The following IMPA2 variants were observed in gnomAD, a reference collection of about 807,000 sequenced individuals.
IMPA2 encodes the protein IMP 2.
In IMPA2, 32 loss-of-function variants were observed where a neutral mutation model predicts 35.1. The observed-to-expected ratio is 0.91, with a 90% CI of 0.69 to 1.23. The LOEUF is 1.23. Among genes scored for constraint, IMPA2 ranks in the 50% most tolerant of loss-of-function variants. IMPA2 has a pLI of 0.00. For missense variants in IMPA2, 334 were observed against 387.6 expected (o/e 0.86, Z 1.16); for synonymous variants, 135 against 160.6 (o/e 0.84, Z 1.20).
chr18:11,986,788 G>A (rs1343731988), intron 1 of IMPA2, among the ~76,000 whole-genome samples: 1 of 152,194 alleles, frequency 6.6e-6, no homozygotes, highest in East Asian at 1.9e-4. Context: ...TGCTTCTGTC[G>A]TGCTTTCTTG....
rs941034223 is a variant in IMPA2, at chr18:11,989,168, G to T, written c.96+7403G>T. On this transcript the variant is annotated intron_variant, in intron 1 of 7. Transcript: ENST00000269159. ...ACTGATGGGCTTTGCCGTCGGATGA[G>T]CTCAGGTCAGGCTCCCATTTTCCTC... Among the ~76,000 whole-genome samples, 5 of 152,304 alleles carry T rather than the reference G, an allele frequency of 3.3e-5. 1 individual carries two copies. In the South Asian group the frequency reaches 1.0e-3, roughly 32 times the overall value.
chr18:12,028,240 G>A, intron 6 of IMPA2, 89 bp downstream of exon 6: 1 of 875,268 alleles, frequency 1.1e-6, no homozygotes, highest in Non-Finnish European at 1.9e-6. Flanking sequence ...ATTTGAGGAG[G>A]AAGCCTGACG....
At chr18:12,027,599 A>T (rs1335803958) in intron 5 of IMPA2, among the ~76,000 whole-genome samples, 1 of 145,302 alleles carries the variant, frequency 6.9e-6, no homozygotes, top group African/African-American at 2.6e-5. Context: ...TTAAAGAAAC[A>T]GGGACTTGCT....
intron 1 of IMPA2, among the ~76,000 whole-genome samples, chr18:11,983,664 T>C (rs548096984): frequency 1.3e-5 from 2 of 152,210 alleles, no homozygotes; most frequent in African/African-American, 4.8e-5. Flanking sequence ...GCAATAAAGA[T>C]GCTGCCATTA....
rs1388550262 is a variant in IMPA2, at chr18:12,029,117, T to TG, written c.751+124_751+125insG. On this transcript the variant is annotated intron_variant, in intron 7 of 7. Coordinates refer to ENST00000269159, the MANE Select transcript of IMPA2 (RefSeq NM_014214.3). ...CTTCCCCAGAGTTTCTGTTTTTTTT[T>TG]TTTTTTTTTTTTTTTTGAGACGGGG... is the stretch of plus-strand genomic sequence containing the variant. The TG allele has an allele frequency of 5.6e-6, 5 of 890,582 alleles. No individual in the cohort carries two copies. The African/African-American group carries it at 9.4e-5, about 17-fold the overall frequency. The allele number at this position is 890,582 out of a possible 1,614,324, so 55.2% of individuals were successfully genotyped here. A position where few individuals can be genotyped will look rare whatever the true frequency, so the allele number is the denominator to read the frequency against.
At chr18:12,005,969 C>T (rs750071013) in intron 2 of IMPA2, among the ~76,000 whole-genome samples, 10 of 152,304 alleles carry the variant, frequency 6.6e-5, no homozygotes, top group Admixed American at 2.6e-4. Context: ...CATATCTGTT[C>T]GCTGCTTTGT....
At chr18:12,008,222 C>G in intron 2 of IMPA2, 1 of 456,304 alleles carries the variant, frequency 2.2e-6, no homozygotes, top group South Asian at 1.5e-5. Context: ...TCTCGAACTC[C>G]TGACCTCAGG....
intron 2 of IMPA2, among the ~76,000 whole-genome samples, chr18:12,004,462 G>A (rs1429842588): frequency 6.6e-6 from 1 of 151,776 alleles, no homozygotes; most frequent in Non-Finnish European, 1.5e-5. Flanking sequence ...TTGTCTATTG[G>A]ATAGACGTAT....
At position 11,991,847 on chromosome 18, in the gene IMPA2, T is replaced by A. The variant is rs1001832774; in HGVS notation, c.97-7207T>A. ...GCCCTCGCAGAAACACCCAGAACAA[T>A]TTTTTTTTTTTTTTGAGATGGAGCC... On this transcript the variant is annotated intron_variant, in intron 1 of 7. Transcript: ENST00000269159. This position sits in a 1 kb window ranked among gnomAD's most constrained non-coding sequence, Gnocchi z 4.1. Among the ~76,000 whole-genome samples, 2 of 68,458 alleles carry A rather than the reference T, an allele frequency of 2.9e-5. No homozygotes were observed. The highest frequency in any genetic ancestry group is 1.4e-4 in the African/African-American group (1 of 7,014). 44.9% of individuals were successfully genotyped at this position (68,458 alleles called of 152,430 possible).
intron 1 of IMPA2, among the ~76,000 whole-genome samples, chr18:11,986,854 G>A (rs556805761): frequency 5.3e-5 from 8 of 152,338 alleles, no homozygotes; most frequent in South Asian, 2.1e-4. Context: ...GGCCCTGCCC[G>A]TGTGGTTCTG....
At chr18:11,995,108 T>G (rs776728688) in intron 1 of IMPA2, among the ~76,000 whole-genome samples, 30 of 152,042 alleles carry the variant, frequency 2.0e-4, no homozygotes, top group Non-Finnish European at 3.1e-4. Context: ...GTGGATGGTT[T>G]GTTTGGTTTC....
intron 1 of IMPA2, among the ~76,000 whole-genome samples, chr18:11,988,001 C>CTTTTTTTTTTTT (rs71172043): frequency 2.0e-5 from 2 of 101,862 alleles, no homozygotes; most frequent in Non-Finnish European, 3.6e-5. Flanking sequence ...TGTTTATTGG[C>CTTTTTTTTTTTT]TTTTTTTTTT....
intron 2 of IMPA2, chr18:12,008,192 C>T: frequency 2.4e-6 from 1 of 410,176 alleles, no homozygotes; most frequent in Non-Finnish European, 4.8e-6. Context: ...GACAGGGTTT[C>T]ACCATGCTGG....
At chr18:11,994,165 G>A (rs1196038067) in intron 1 of IMPA2, 1 of 152,208 alleles carries the variant, frequency 6.6e-6, no homozygotes, top group Non-Finnish European at 1.5e-5. Flanking sequence ...CTTGAGGCCT[G>A]GAGTTTGAGA....
chr18:12,022,549 A>ATATATATATATG (rs1428043485), intron 5 of IMPA2, among the ~76,000 whole-genome samples: 1 of 133,886 alleles, frequency 7.5e-6, no homozygotes, highest in Admixed American at 7.8e-5. Flanking sequence ...ATATATATAT[A>ATATATATATATG]TATATATTTG....
At chr18:12,028,796 A>G (rs771873085) in intron 6 of IMPA2, 46 bp from the exon 7 acceptor site, 5 of 1,591,946 alleles carry the variant, frequency 3.1e-6, no homozygotes, top group Admixed American at 3.5e-5. Context: ...CACCACAGAA[A>G]AGGCTCCACT....
At chr18:11,992,330 A>C (rs1231361091) in intron 1 of IMPA2, among the ~76,000 whole-genome samples, 1 of 152,212 alleles carries the variant, frequency 6.6e-6, no homozygotes, top group Non-Finnish European at 1.5e-5. Context: ...CACATCTCCT[A>C]TTGAAACTGC....
rs1907404347 is a variant in IMPA2, at chr18:12,010,539, A to G, written c.335+552A>G. 6.6e-6 allele frequency among the ~76,000 whole-genome samples: 1 copy of G among 152,182 alleles called. No individual in the cohort carries two copies. The highest frequency in any genetic ancestry group is 1.5e-5 in the Non-Finnish European group (1 of 68,020). ...AGGATGCAAAGGTGACAGGGACACGACCACAGGTGTTCTCTGGCAGTGGCA... is the reference window on the plus strand; with the variant it reads ...AGGATGCAAAGGTGACAGGGACACGGCCACAGGTGTTCTCTGGCAGTGGCA... On this transcript the variant is annotated intron_variant, in intron 3 of 7. Transcript: ENST00000269159. The surrounding 1 kb of genome is among the most constrained non-coding windows in gnomAD (Gnocchi z 4.8).
intron 5 of IMPA2, among the ~76,000 whole-genome samples, chr18:12,022,528 AATATATATATATAT>A (rs202132842): frequency 1.0e-5 from 1 of 96,822 alleles, no homozygotes; most frequent in African/African-American, 4.3e-5. Context: ...TCTCAAAAAG[AATATATATATATAT>A]ATATATATAT....
Sources: gnomAD v4.1 joint callset for allele counts (sites outside exome capture counted in the v4.1 genomes callset) on GRCh38, gnomAD v4.1.1 for gene constraint, Gnocchi (gnomAD v3.1) non-coding constraint, MANE v1.5 for transcripts, NCBI Gene and HGNC (gene_info 2026-07-23, HGNC 2026-07-21) for gene names.